PLCXD3: variants seen among roughly 807,000 people sequenced by gnomAD.
PLCXD3 encodes PI-PLC X domain-containing protein 3.
In PLCXD3, 19 loss-of-function variants were observed where a neutral mutation model predicts 25.5. The observed-to-expected ratio is 0.75, with a 90% CI of 0.52 to 1.09. The LOEUF (loss-of-function observed/expected upper bound fraction) is 1.09. Among genes scored for constraint, PLCXD3 ranks in the 50% least tolerant of loss-of-function variants. The probability of loss-of-function intolerance (pLI) is 0.00; values close to 1 mark genes in which losing one functional copy is unlikely to be tolerated. For missense variants in PLCXD3, 411 were observed against 388.1 expected, an observed-to-expected ratio of 1.06 and a Z score of -0.50; for synonymous variants, 174 against 137.6, an observed-to-expected ratio of 1.26 and a Z score of -1.85.
In PLCXD3 at chr5:41,433,696, C is replaced by T. The variant is rs1203458905; in HGVS notation, c.104-51162G>A. 2.0e-5 allele frequency among the ~76,000 whole-genome samples: 3 copies of T among 152,220 alleles called. No homozygotes were observed. In the East Asian group the frequency reaches 5.8e-4, roughly 29 times the overall value. On this transcript the variant is annotated intron_variant, in intron 1 of 2. Coordinates refer to ENST00000377801, the MANE Select transcript of PLCXD3 (RefSeq NM_001005473.3). ...GAAATCAGGAAATAAAATGCTCATTCTAAGAATGATTAAAGTGCATGGATG... is the reference window on the plus strand; with the variant it reads ...GAAATCAGGAAATAAAATGCTCATTTTAAGAATGATTAAAGTGCATGGATG...
chr5:41,372,070 C>A (rs917064923), intron 2 of PLCXD3, among the ~76,000 whole-genome samples: 1 of 152,046 alleles, frequency 6.6e-6, no homozygotes, highest in Non-Finnish European at 1.5e-5. Context: ...TCCTTATTCT[C>A]TCTACCCCCA....
chr5:41,416,295 G>A (rs573427245), intron 1 of PLCXD3, among the ~76,000 whole-genome samples: 1 of 152,310 alleles, frequency 6.6e-6, no homozygotes, highest in East Asian at 1.9e-4. Context: ...GCTTTGGCTG[G>A]AATAGAGGTT....
chr5:41,472,918 G>A (rs1223719294), intron 1 of PLCXD3, among the ~76,000 whole-genome samples: 1 of 151,784 alleles, frequency 6.6e-6, no homozygotes, highest in Non-Finnish European at 1.5e-5. Context: ...GCTTTTTCTA[G>A]AGAACACATG....
chr5:41,471,287 C>A (rs777813223), intron 1 of PLCXD3, among the ~76,000 whole-genome samples: 1 of 152,134 alleles, frequency 6.6e-6, no homozygotes, highest in Non-Finnish European at 1.5e-5. Flanking sequence ...ATTGCCAATG[C>A]CACCTTTCCT....
chr5:41,312,685 T>TTTCCTTTCCTTCCTTCC lies in PLCXD3; in HGVS notation c.*931_*932insGGAAGGAAGGAAAGGAA. On this transcript the variant is annotated 3_prime_UTR_variant, in exon 3 of 3. Transcript: ENST00000377801. ...CTTCCTCCCTCCCTTCCTTTCTTCC[T>TTTCCTTTCCTTCCTTCC]TTCCTTCCTTCCTTCCTTCCTTCCT... 9.6e-6 allele frequency: 1 copy of TTTCCTTTCCTTCCTTCC among 104,678 alleles called. No homozygotes were observed. The highest frequency in any genetic ancestry group is 1.9e-5 in the Non-Finnish European group (1 of 51,288). 6.5% of individuals were successfully genotyped at this position (104,678 alleles called of 1,614,324 possible).
At chr5:41,453,689 A>T (rs1747689042) in intron 1 of PLCXD3, among the ~76,000 whole-genome samples, 1 of 152,048 alleles carries the variant, frequency 6.6e-6, no homozygotes, top group Non-Finnish European at 1.5e-5. Context: ...TAAGTACAAA[A>T]TATATTTCCT....
At chr5:41,348,366 T>TTTG (rs900616210) in intron 2 of PLCXD3, among the ~76,000 whole-genome samples, 1 of 152,094 alleles carries the variant, frequency 6.6e-6, no homozygotes. Context: ...GAAAGTCATT[T>TTTG]TTGTTGTTGT....
intron 2 of PLCXD3, among the ~76,000 whole-genome samples, chr5:41,353,951 T>C (rs1744544826): frequency 6.6e-6 from 1 of 152,242 alleles, no homozygotes; most frequent in Non-Finnish European, 1.5e-5. Context: ...TTTATATCTT[T>C]GGTGCCTAGA....
At chr5:41,332,057 GA>G (rs1743830772) in intron 2 of PLCXD3, among the ~76,000 whole-genome samples, 1 of 151,928 alleles carries the variant, frequency 6.6e-6, no homozygotes, top group Admixed American at 6.6e-5. Context: ...TCTAAAACAC[GA>G]AAAGCAATGG....
chr5:41,430,780 A>T (rs1747080462), intron 1 of PLCXD3, among the ~76,000 whole-genome samples: 1 of 152,198 alleles, frequency 6.6e-6, no homozygotes, highest in South Asian at 2.1e-4. Context: ...TTTGGGGGAA[A>T]TAAAACTTTT....
At chr5:41,403,411 T>TTTTTTTTG (rs1554047977) in intron 1 of PLCXD3, among the ~76,000 whole-genome samples, 15 of 38,320 alleles carry the variant, frequency 3.9e-4, no homozygotes, top group East Asian at 1.2e-3. Context: ...GTTTTTTTTT[T>TTTTTTTTG]TTTTTATTAT....
At chr5:41,437,619 A>G (rs1262683350) in intron 1 of PLCXD3, among the ~76,000 whole-genome samples, 1 of 152,210 alleles carries the variant, frequency 6.6e-6, no homozygotes, top group East Asian at 1.9e-4. Flanking sequence ...CAAGAAATAC[A>G]AATAAGCCAG....
intron 1 of PLCXD3, among the ~76,000 whole-genome samples, chr5:41,497,169 G>A (rs1330818123): frequency 6.6e-6 from 1 of 151,334 alleles, no homozygotes; most frequent in Non-Finnish European, 1.5e-5. Context: ...AAAGTCAAAA[G>A]ACAATAAGAA....
intron 2 of PLCXD3, among the ~76,000 whole-genome samples, chr5:41,317,175 CTG>C (rs1215253578): frequency 6.6e-6 from 1 of 152,200 alleles, no homozygotes; most frequent in East Asian, 1.9e-4. Flanking sequence ...GTGGGAGACT[CTG>C]TATGTTTGGA....
In PLCXD3 at chr5:41,380,667, T is replaced by A. The variant is rs1232327649; in HGVS notation, c.812+1159A>T. ...ACTATTTTCACTGCCTAATCTTTTC[T>A]CTTCATCTTTTGTCTTTTTCCACAA... On this transcript the variant is annotated intron_variant, in intron 2 of 2. Coordinates refer to ENST00000377801, the MANE Select transcript of PLCXD3 (RefSeq NM_001005473.3). 2.0e-5 allele frequency among the ~76,000 whole-genome samples: 3 copies of A among 152,162 alleles called. No homozygotes were observed. The East Asian group carries it at 5.8e-4, about 29-fold the overall frequency.
In PLCXD3 at chr5:41,436,566, G is replaced by A. The variant is rs1178971063; in HGVS notation, c.104-54032C>T. Among the ~76,000 whole-genome samples the A allele has an allele frequency of 2.0e-5, 3 of 152,118 alleles. No homozygotes were observed. The East Asian group carries it at 5.8e-4, about 29-fold the overall frequency. Reference sequence around the variant, plus strand: ...TAGGCACCTCTTTGTAATGGCATTAGCAGGCATTCTACTAAGAAATTCCAA... The same window carrying A: ...TAGGCACCTCTTTGTAATGGCATTAACAGGCATTCTACTAAGAAATTCCAA... On this transcript the variant is annotated intron_variant, in intron 1 of 2. Transcript: ENST00000377801.
intron 1 of PLCXD3, among the ~76,000 whole-genome samples, chr5:41,483,824 A>T (rs1354637738): frequency 2.0e-5 from 3 of 152,190 alleles, no homozygotes; most frequent in African/African-American, 7.2e-5. Flanking sequence ...AGCAATTCAC[A>T]TTCTTTTTCT....
At chr5:41,325,486 C>T (rs942906564) in intron 2 of PLCXD3, among the ~76,000 whole-genome samples, 1 of 152,110 alleles carries the variant, frequency 6.6e-6, no homozygotes, top group African/African-American at 2.4e-5. Context: ...TATTGTTTTC[C>T]TATTTGTCCT....
intron 1 of PLCXD3, among the ~76,000 whole-genome samples, chr5:41,406,549 C>T (rs1400508135): frequency 6.6e-6 from 1 of 152,162 alleles, no homozygotes; most frequent in Non-Finnish European, 1.5e-5. Flanking sequence ...TCAAACCTTA[C>T]ACTCAATCAG....
Sources: allele counts gnomAD v4.1 joint callset (sites outside exome capture counted in the v4.1 genomes callset), GRCh38; gene constraint gnomAD v4.1.1; transcripts MANE v1.5; gene names NCBI Gene and HGNC (gene_info 2026-07-23, HGNC 2026-07-21).